The following CALN1 variants were observed in gnomAD, a reference collection of about 807,000 sequenced individuals.
The protein encoded by CALN1 is calcium-binding protein 8.
A neutral mutation model predicts 30.6 loss-of-function variants in CALN1; 17 were observed. The ratio of observed to expected loss-of-function variants is 0.56; its 90% CI spans 0.38 to 0.83. The LOEUF (loss-of-function observed/expected upper bound fraction) is 0.83, where lower values mean the gene tolerates loss of function less well. Among genes scored for constraint, CALN1 ranks in the 40% least tolerant of loss-of-function variants. The pLI is 0.00. For missense variants in CALN1, 291 were observed against 354.9 expected (o/e 0.82, Z 1.45); for synonymous variants, 156 against 131.4 (o/e 1.19, Z -1.28).
chr7:72,195,577 C>CTA (rs1790929923), intron 3 of CALN1, among the ~76,000 whole-genome samples: 1 of 152,058 alleles, frequency 6.6e-6, no homozygotes, highest in Non-Finnish European at 1.5e-5. Context: ...TGGGGTCTCA[C>CTA]TATGTTGTCC....
At chr7:72,319,819 A>C (rs1800746357) in intron 2 of CALN1, among the ~76,000 whole-genome samples, 1 of 152,120 alleles carries the variant, frequency 6.6e-6, no homozygotes, top group African/African-American at 2.4e-5. Flanking sequence ...ACGGACATAG[A>C]GAGTGGAAAC....
chr7:72,336,262 G>T (rs1480627644), intron 2 of CALN1, among the ~76,000 whole-genome samples: 4 of 152,158 alleles, frequency 2.6e-5, no homozygotes, highest in Middle Eastern at 3.4e-3. Context: ...GCCGCCGGGC[G>T]CTCCCACCTG....
At chr7:72,287,780 G>T (rs1046064185) in intron 2 of CALN1, among the ~76,000 whole-genome samples, 1 of 151,916 alleles carries the variant, frequency 6.6e-6, no homozygotes, top group Admixed American at 6.6e-5. Context: ...GTTTTCCATT[G>T]TATATAAATT....
rs1365927582 is a variant in CALN1, at chr7:72,359,990, A to AAAAAAAAAAAAAAAAAAAAAAAAAAC, written c.119+43260_119+43261insGTTTTTTTTTTTTTTTTTTTTTTTTT. ...AGACTCCATCTCAAAAAAAAAAAAA[A>AAAAAAAAAAAAAAAAAAAAAAAAAAC]ACCAAAGTTGACCTGGATTCTGCAA... On this transcript the variant is annotated intron_variant, in intron 2 of 6. Coordinates refer to ENST00000395275, the MANE Select transcript of CALN1 (RefSeq NM_031468.4). Among the ~76,000 whole-genome samples the AAAAAAAAAAAAAAAAAAAAAAAAAAC allele has an allele frequency of 3.4e-4, 50 of 148,146 alleles. 1 individual carries two copies. The highest frequency in any genetic ancestry group is 5.1e-4 in the Non-Finnish European group (34 of 66,892).
intron 5 of CALN1, among the ~76,000 whole-genome samples, chr7:71,997,833 G>T (rs1295778579): frequency 6.6e-6 from 1 of 152,030 alleles, no homozygotes; most frequent in Non-Finnish European, 1.5e-5. Context: ...TATTTATTTA[G>T]TTTTGAGATG....
intron 4 of CALN1, among the ~76,000 whole-genome samples, chr7:72,035,944 T>C (rs1336210672): frequency 2.0e-5 from 3 of 152,248 alleles, no homozygotes; most frequent in Non-Finnish European, 4.4e-5. Flanking sequence ...TGATCTTTAT[T>C]GCTTCATATG....
chr7:72,457,054 G>T, the CALN1 span, among the ~76,000 whole-genome samples: 1 of 138,048 alleles, frequency 7.2e-6, no homozygotes, highest in Admixed American at 7.9e-5. Flanking sequence ...TGTTGCTCAG[G>T]CTGGAGTGCA....
At chr7:72,022,230 T>C (rs1242775752) in intron 5 of CALN1, among the ~76,000 whole-genome samples, 19 of 152,242 alleles carry the variant, frequency 1.2e-4, no homozygotes, top group Admixed American at 1.2e-3. Context: ...CATTCATCTA[T>C]TGAAACAAAT....
chr7:71,968,792 C>A (rs1797652125), intron 5 of CALN1, among the ~76,000 whole-genome samples: 1 of 152,044 alleles, frequency 6.6e-6, no homozygotes, highest in Non-Finnish European at 1.5e-5. Context: ...CACCTGTAAT[C>A]CCAGCACTTT....
the CALN1 span, among the ~76,000 whole-genome samples, chr7:72,487,957 AGG>A: frequency 1.0e-5 from 1 of 97,206 alleles, no homozygotes; most frequent in Admixed American, 9.5e-5. Context: ...AAGGAAGGAA[AGG>A]AAGGAAGGAA....
intron 5 of CALN1, among the ~76,000 whole-genome samples, chr7:71,944,746 C>T (rs1262792319): frequency 2.6e-5 from 4 of 151,964 alleles, no homozygotes; most frequent in Non-Finnish European, 5.9e-5. Context: ...TTAATACATC[C>T]GAAGTCAAGA....
intron 5 of CALN1, among the ~76,000 whole-genome samples, chr7:71,924,093 T>C (rs2129518736): frequency 6.6e-6 from 1 of 150,640 alleles, no homozygotes; most frequent in Non-Finnish European, 1.5e-5. Context: ...CTCGCGGGGC[T>C]GACGCAGGAG....
At chr7:72,325,034 C>A (rs1031018237) in intron 2 of CALN1, among the ~76,000 whole-genome samples, 1 of 152,124 alleles carries the variant, frequency 6.6e-6, no homozygotes, top group Non-Finnish European at 1.5e-5. Flanking sequence ...TGCACTGGCT[C>A]CTACCTCTAA....
chr7:72,019,274 A>G (rs1562981533), intron 5 of CALN1, among the ~76,000 whole-genome samples: 1 of 152,096 alleles, frequency 6.6e-6, no homozygotes, highest in Non-Finnish European at 1.5e-5. Context: ...CCTGGGGAAA[A>G]TGGAAGGCTT....
chr7:72,373,433 G>T (rs1389041140), intron 2 of CALN1, among the ~76,000 whole-genome samples: 3 of 152,126 alleles, frequency 2.0e-5, no homozygotes, highest in Non-Finnish European at 2.9e-5. Context: ...CTTCAAAATG[G>T]TGCAAAATCA....
intron 1 of CALN1, among the ~76,000 whole-genome samples, chr7:72,405,705 AC>A (rs1806648667): frequency 6.7e-6 from 1 of 149,324 alleles, no homozygotes; most frequent in African/African-American, 2.5e-5. Flanking sequence ...GTGTGTCATT[AC>A]AGTAGAAACG....
chr7:71,999,837 C>T (rs996762308), intron 5 of CALN1, among the ~76,000 whole-genome samples: 10 of 151,748 alleles, frequency 6.6e-5, no homozygotes, highest in South Asian at 2.1e-4. Context: ...TAAATGACTA[C>T]GGAACATTCA....
chr7:71,901,583 T>C (rs910891829), intron 5 of CALN1, among the ~76,000 whole-genome samples: 27 of 151,994 alleles, frequency 1.8e-4, no homozygotes, highest in Non-Finnish European at 5.9e-5. Flanking sequence ...CACAGACCAA[T>C]GGAACAGAAT....
chr7:72,456,410 C>T, the CALN1 span, among the ~76,000 whole-genome samples: 3 of 152,110 alleles, frequency 2.0e-5, no homozygotes, highest in South Asian at 2.1e-4. Context: ...TGGTGGTACA[C>T]GCCTGTCAGC....
Sources: allele counts gnomAD v4.1 joint callset (sites outside exome capture counted in the v4.1 genomes callset), GRCh38; gene constraint gnomAD v4.1.1; transcripts MANE v1.5; gene names NCBI Gene and HGNC (gene_info 2026-07-23, HGNC 2026-07-21).